Variants in TRA2B observed in about 807,000 individuals in gnomAD.
TRA2B encodes the protein transformer 2 beta homolog.
Under a neutral mutation model 41.7 loss-of-function variants are expected in TRA2B, and 14 were observed. The observed-to-expected ratio is 0.34, with a 90% CI of 0.22 to 0.53. The LOEUF is 0.53. TRA2B is among the 20% of genes least tolerant of loss of function. The pLI is 0.95. For missense variants in TRA2B, 167 were observed against 396.8 expected (o/e 0.42, Z 4.92); for synonymous variants, 130 against 128.8 (o/e 1.01, Z -0.06).
chr3:185,936,889 A>C, intron 1 of TRA2B: 1 of 985,360 alleles, frequency 1.0e-6, no homozygotes, highest in Non-Finnish European at 1.2e-6. Flanking sequence ...CCCGCAATTC[A>C]ATCAACCCTC....
chr3:185,930,778 A>AC (rs1260469077), intron 1 of TRA2B, among the ~76,000 whole-genome samples: 1 of 152,222 alleles, frequency 6.6e-6, no homozygotes, highest in East Asian at 1.9e-4. Flanking sequence ...CTACTTTGTA[A>AC]CCGTTACCTC....
chr3:185,926,737 A>G lies in TRA2B; in HGVS notation c.37-3T>C, dbSNP rs112990115. 6.2e-7 allele frequency: 1 copy of G among 1,613,910 alleles called. No individual in the cohort carries two copies. The highest frequency in any genetic ancestry group is 8.5e-7 in the Non-Finnish European group (1 of 1,179,892). On this transcript the variant is annotated splice_polypyrimidine_tract_variant and splice_region_variant and intron_variant, in intron 1 of 8. Coordinates refer to ENST00000453386, the MANE Select transcript of TRA2B (RefSeq NM_004593.3). ...CTTCTGGAAGCAGAACGGGATTCCT[A>G]CACGTAGATGTTAAAAGTTTAATTT... is the stretch of plus-strand genomic sequence containing the variant.
chr3:185,919,530 C>G, intron 6 of TRA2B, 34 bp from the exon 7 acceptor site: 1 of 1,580,776 alleles, frequency 6.3e-7, no homozygotes, highest in Non-Finnish European at 8.6e-7. Context: ...AACACGCATT[C>G]AGTTTGTAAG....
At chr3:185,932,699 T>C (rs1247021623) in intron 1 of TRA2B, among the ~76,000 whole-genome samples, 1 of 152,206 alleles carries the variant, frequency 6.6e-6, no homozygotes, top group Non-Finnish European at 1.5e-5. Flanking sequence ...AAAGATTGAA[T>C]TTAGTTGATC....
At chr3:185,931,470 C>T in intron 1 of TRA2B, 1 of 807,644 alleles carries the variant, frequency 1.2e-6, no homozygotes, top group Non-Finnish European at 1.5e-6. Context: ...TTAAACGTTT[C>T]CCCTGGAAGG....
At chr3:185,918,951 G>C (rs899908185) in intron 7 of TRA2B, among the ~76,000 whole-genome samples, 1 of 152,130 alleles carries the variant, frequency 6.6e-6, no homozygotes, top group Non-Finnish European at 1.5e-5. Context: ...TCCAGCCTAG[G>C]CAACAGAGCA....
At chr3:185,934,287 G>A (rs1744262846) in intron 1 of TRA2B, 1 of 973,144 alleles carries the variant, frequency 1.0e-6, no homozygotes, top group Non-Finnish European at 1.2e-6. Context: ...AAATAGCTAT[G>A]AAAGCATTAA....
At chr3:185,937,755 G>C in intron 1 of TRA2B, 70 bp downstream of exon 1, 2 of 1,607,564 alleles carry the variant, frequency 1.2e-6, no homozygotes, top group Non-Finnish European at 1.7e-6. Flanking sequence ...CTGGCCCGAG[G>C]CCGACGGGCC....
At chr3:185,928,673 C>T (rs1288187864) in intron 1 of TRA2B, 1 of 152,194 alleles carries the variant, frequency 6.6e-6, no homozygotes, top group African/African-American at 2.4e-5. Flanking sequence ...AGCCTGTTTA[C>T]TCCAACACTA....
At chr3:185,935,307 T>C (rs1744304810) in intron 1 of TRA2B, 2 of 985,204 alleles carry the variant, frequency 2.0e-6, no homozygotes, top group Non-Finnish European at 1.2e-6. Context: ...ATTAGACCCC[T>C]ATAGACAGAT....
intron 1 of TRA2B, 109 bp downstream of exon 1, chr3:185,937,716 G>T: frequency 6.7e-7 from 1 of 1,494,680 alleles, no homozygotes; most frequent in Non-Finnish European, 9.3e-7. Context: ...CCCGGCTTCA[G>T]ACTTCGGAGC....
At chr3:185,919,788 GATGCTTTAAATAAAAA>G (rs966724377) in intron 6 of TRA2B, among the ~76,000 whole-genome samples, 3 of 151,978 alleles carry the variant, frequency 2.0e-5, no homozygotes, top group Admixed American at 6.6e-5. Context: ...TCAATAGAGT[GATGCTTTAAATAAAAA>G]AAGGGTTTTC....
chr3:185,922,856 C>G (rs190944524), intron 4 of TRA2B: 1 of 152,220 alleles, frequency 6.6e-6, no homozygotes, highest in African/African-American at 2.4e-5. Context: ...GTTTCTAATT[C>G]CAATACTATG....
At chr3:185,929,281 G>T (rs931425543) in intron 1 of TRA2B, among the ~76,000 whole-genome samples, 1 of 152,112 alleles carries the variant, frequency 6.6e-6, no homozygotes, top group African/African-American at 2.4e-5. Context: ...CAAGAAATAA[G>T]ACCTAAAATT....
At chr3:185,925,285 C>CCAAAT (rs564674901) in intron 3 of TRA2B, 179 bp downstream of exon 3, 9 of 670,936 alleles carry the variant, frequency 1.3e-5, no homozygotes, top group East Asian at 9.1e-5. Context: ...GACAGGCAGC[C>CCAAAT]CAAATGCAGA....
chr3:185,920,491 T>TC (rs1161841012), intron 6 of TRA2B, among the ~76,000 whole-genome samples: 2 of 152,186 alleles, frequency 1.3e-5, no homozygotes, highest in South Asian at 2.1e-4. Context: ...CTCAGGCTGG[T>TC]CTCAAATTCC....
rs1743485394 is a variant in TRA2B, at chr3:185,915,941, C to T, written c.*1774G>A. The T allele has an allele frequency of 6.6e-6, 1 of 152,150 alleles. No homozygotes were observed. The highest frequency in any genetic ancestry group is 1.5e-5 in the Non-Finnish European group (1 of 68,016). The allele number at this position is 152,150 out of a possible 1,614,324, so 9.4% of individuals were successfully genotyped here. On this transcript the variant is annotated 3_prime_UTR_variant, in exon 9 of 9. Coordinates refer to ENST00000453386, the MANE Select transcript of TRA2B (RefSeq NM_004593.3). The stretch of plus-strand genomic sequence containing the variant: ...CAGCCTTTAATGTATCCATCCATAA[C>T]ACAACCCCCTCTGGGACCACACCCT...
At chr3:185,937,102 T>C in intron 1 of TRA2B, 1 of 985,496 alleles carries the variant, frequency 1.0e-6, no homozygotes, top group Non-Finnish European at 1.2e-6. Flanking sequence ...CCTAATAGAA[T>C]ACTGATACAG....
intron 2 of TRA2B, among the ~76,000 whole-genome samples, 184 bp from the exon 3 acceptor site, chr3:185,925,810 G>A (rs1365586008): frequency 6.6e-6 from 1 of 152,160 alleles, no homozygotes; most frequent in Non-Finnish European, 1.5e-5. Context: ...GCTAGGAAGC[G>A]TTCTAAAAAC....
Sources: allele counts gnomAD v4.1 joint callset (sites outside exome capture counted in the v4.1 genomes callset), GRCh38; gene constraint gnomAD v4.1.1; transcripts MANE v1.5; gene names NCBI Gene and HGNC (gene_info 2026-07-23, HGNC 2026-07-21).